TYRO3: variants seen among roughly 807,000 people sequenced by gnomAD.
TYRO3 encodes TYRO3 protein tyrosine kinase.
TYRO3 carries 38 observed loss-of-function variants against 95.2 expected under a neutral mutation model. That is an observed-to-expected ratio of 0.40 (90% confidence interval 0.31 to 0.52). The LOEUF is 0.52. Among genes scored for constraint, TYRO3 ranks in the 20% least tolerant of loss-of-function variants. The pLI is 0.56. For synonymous variants in TYRO3, 367 were observed against 432.9 expected (o/e 0.85, Z 1.89); for missense variants, 812 against 1,116.4 (o/e 0.73, Z 3.89).
In TYRO3 at chr15:41,578,953, G is replaced by A. The variant is rs2055894619; in HGVS notation, c.*677G>A. 6.5e-6 allele frequency: 1 copy of A among 153,452 alleles called. No individual in the cohort carries two copies. The highest frequency in any genetic ancestry group is 1.4e-5 in the Non-Finnish European group (1 of 69,084). 9.5% of individuals were successfully genotyped at this position (153,452 alleles called of 1,614,324 possible). On this transcript the variant is annotated 3_prime_UTR_variant, in exon 19 of 19. Coordinates refer to ENST00000263798, the MANE Select transcript of TYRO3 (RefSeq NM_006293.4). Reference sequence around the variant, plus strand: ...GCCCCTCTTCCAAAGGCAGCGTGCCGAGCCAGCAAGAGGAAGGGGTGCTGT... The same window carrying A: ...GCCCCTCTTCCAAAGGCAGCGTGCCAAGCCAGCAAGAGGAAGGGGTGCTGT...
rs2055658262 is a variant in TYRO3 at position 41,561,647 on chromosome 15, G to A, written c.409+8G>A. ...TGTGGCTCACGGTAGAAGGTGAGGAGGCAGAGCCATATGGGCGTGTTGGCC... is the reference window on the plus strand; with the variant it reads ...TGTGGCTCACGGTAGAAGGTGAGGAAGCAGAGCCATATGGGCGTGTTGGCC... On this transcript the variant is annotated splice_region_variant and intron_variant, in intron 3 of 18. Coordinates refer to ENST00000263798, the MANE Select transcript of TYRO3 (RefSeq NM_006293.4). 1.9e-6 allele frequency: 2 copies of A among 1,048,938 alleles called. No individual in the cohort carries two copies. The highest frequency in any genetic ancestry group is 1.5e-5 in the African/African-American group (1 of 64,796). 65.0% of individuals were successfully genotyped at this position (1,048,938 alleles called of 1,614,324 possible). A position where few individuals can be genotyped will look rare whatever the true frequency, so the allele number is the denominator to read the frequency against.
chr15:41,577,864 C>T (rs2055879091), intron 18 of TYRO3, 22 bp from the exon 19 acceptor site: 1 of 1,598,562 alleles, frequency 6.3e-7, no homozygotes, highest in Non-Finnish European at 8.5e-7. Context: ...CCTGCCTTTT[C>T]TCACGCTTCT....
At chr15:41,564,965 T>C (rs1467712066) in intron 5 of TYRO3, 61 bp from the exon 6 acceptor site, 23 of 1,134,846 alleles carry the variant, frequency 2.0e-5, no homozygotes, top group African/African-American at 3.1e-5. Context: ...TTGACTCCCA[T>C]GCCTCCTGCT....
chr15:41,573,874 G>C, intron 18 of TYRO3, 59 bp downstream of exon 18: 1 of 1,365,332 alleles, frequency 7.3e-7, no homozygotes, highest in Non-Finnish European at 9.9e-7. Flanking sequence ...TTTGGCTGAT[G>C]GCTGCCACCA....
chr15:41,560,389 G>GTGTA (rs1555395684), intron 1 of TYRO3, among the ~76,000 whole-genome samples: 48 of 120,368 alleles, frequency 4.0e-4, no homozygotes, highest in Non-Finnish European at 3.7e-4. Flanking sequence ...GGAGAGGTGC[G>GTGTA]TGTATGTGTG....
chr15:41,572,854 T>C (rs906226718), intron 15 of TYRO3, 148 bp from the exon 16 acceptor site: 3 of 744,822 alleles, frequency 4.0e-6, no homozygotes, highest in Non-Finnish European at 6.5e-6. Flanking sequence ...TAGCCGAAGC[T>C]TCCTTGCCTT....
At position 41,565,102 on chromosome 15, in the gene TYRO3, T is replaced by G; in HGVS notation, c.744T>G (p.Gly248=). 1.3e-5 allele frequency: 21 copies of G among 1,613,396 alleles called. No individual in the cohort carries two copies. Among genetic ancestry groups the G allele is most frequent in the Non-Finnish European group, 1.8e-5 (21 of 1,179,958 alleles). ...ACGCTAGTGTGGCCTGGATGCCAGG[T>G]GCTGATGGCCGAGCTCTGCTACAGT... is the stretch of plus-strand genomic sequence containing the variant. ...SSNASVAWMP[G]ADGRALLQSC... is the part of the protein sequence containing the mutation. The change falls in exon 6 of 19, where the codon GGT becomes GGG. Residue 248 remains glycine, a synonymous_variant. Transcript: ENST00000263798.
chr15:41,561,389 G>A, intron 2 of TYRO3, 79 bp downstream of exon 2: 2 of 1,576,010 alleles, frequency 1.3e-6, no homozygotes, highest in Non-Finnish European at 1.7e-6. Context: ...GGGAGCTGGG[G>A]CCCTCTCCTG....
Position 41,577,922 on chromosome 15 carries a change from C to T in TYRO3, c.2319C>T (p.Pro773=). 6.2e-7 allele frequency: 1 copy of T among 1,612,986 alleles called. No homozygotes were observed. Among genetic ancestry groups the T allele is most frequent in the Non-Finnish European group, 8.5e-7 (1 of 1,180,046 alleles). ...TGTACCAGTGCTGGAGTGCTGACCC[C>T]AAGCAGCGCCCGAGCTTTACTTGTC... is the stretch of plus-strand genomic sequence containing the variant. ...DLMYQCWSAD[P]KQRPSFTCLR... The change falls in exon 19 of 19, where the codon CCC becomes CCT. Residue 773 remains proline, a synonymous_variant. Transcript: ENST00000263798.
Position 41,578,477 on chromosome 15 carries a change from A to G in TYRO3, c.*201A>G. 1 of 722,278 alleles carries G rather than the reference A, an allele frequency of 1.4e-6. No individual in the cohort carries two copies. The highest frequency in any genetic ancestry group is 1.9e-5 in the South Asian group (1 of 52,050). 44.7% of individuals were successfully genotyped at this position (722,278 alleles called of 1,614,324 possible). A position where few individuals can be genotyped will look rare whatever the true frequency, so the allele number is the denominator to read the frequency against. ...GCAACCACTCTGTGGCCAGCCTGGC[A>G]TCAGTTTAGGCCTTGGCTTGATGGA... On this transcript the variant is annotated 3_prime_UTR_variant, in exon 19 of 19. Transcript: ENST00000263798.
At chr15:41,573,890 G>T in intron 18 of TYRO3, 75 bp downstream of exon 18, 1 of 1,338,472 alleles carries the variant, frequency 7.5e-7, no homozygotes. Flanking sequence ...CACCACAGTT[G>T]CCTCAACTGG....
intron 4 of TYRO3, among the ~76,000 whole-genome samples, chr15:41,563,454 T>A (rs2055682298): frequency 6.6e-6 from 1 of 152,082 alleles, no homozygotes; most frequent in Non-Finnish European, 1.5e-5. Flanking sequence ...CTGAGCTAGG[T>A]TCTCCAGCAA....
In TYRO3 at chr15:41,579,774, T is replaced by G. The variant is rs921512994; in HGVS notation, c.*1498T>G. 1.3e-5 allele frequency: 2 copies of G among 151,508 alleles called. No individual in the cohort carries two copies. The highest frequency in any genetic ancestry group is 1.3e-4 in the Admixed American group (2 of 15,208). 9.4% of individuals were successfully genotyped at this position (151,508 alleles called of 1,614,324 possible). A position where few individuals can be genotyped will look rare whatever the true frequency, so the allele number is the denominator to read the frequency against. Reference sequence around the variant, plus strand: ...AGCTGTTATCTTTTTTTTTTTTTTTTTGAGACCGAGTCTCACTCTGTCGCC... The same window carrying G: ...AGCTGTTATCTTTTTTTTTTTTTTTGTGAGACCGAGTCTCACTCTGTCGCC... On this transcript the variant is annotated 3_prime_UTR_variant, in exon 19 of 19. Transcript: ENST00000263798.
intron 3 of TYRO3, 164 bp from the exon 4 acceptor site, chr15:41,562,384 C>A: frequency 1.9e-6 from 1 of 516,506 alleles, no homozygotes; most frequent in Non-Finnish European, 3.2e-6. Flanking sequence ...AAGAGAAGCA[C>A]CGCCTACCTC....
intron 12 of TYRO3, 81 bp from the exon 13 acceptor site, chr15:41,570,957 C>A: frequency 6.8e-7 from 1 of 1,464,798 alleles, no homozygotes; most frequent in Non-Finnish European, 9.5e-7. Context: ...TGACTGTGTT[C>A]CCATGGAGGG....
At position 41,571,067 on chromosome 15, in the gene TYRO3, C is replaced by G. The variant is rs762320796; in HGVS notation, c.1609C>G (p.Leu537Val). ...GEFGSVREAQ[L>V]KQEDGSFVKV... ...GTTTGGTTCAGTGCGGGAGGCCCAG[C>G]TGAAGCAAGAGGATGGCTCCTTTGT... The change falls in exon 13 of 19, where the codon CTG (leucine) becomes GTG (valine). Residue 537 changes from leucine (L) to valine (V), a missense_variant. Transcript: ENST00000263798. 2.5e-6 allele frequency: 4 copies of G among 1,614,102 alleles called. No individual in the cohort carries two copies. Among genetic ancestry groups the G allele is most frequent in the Non-Finnish European group, 3.4e-6 (4 of 1,180,002 alleles).
intron 15 of TYRO3, 132 bp from the exon 16 acceptor site, chr15:41,572,870 G>C (rs2055814766): frequency 1.3e-6 from 1 of 786,754 alleles, no homozygotes; most frequent in African/African-American, 1.8e-5. Context: ...GCCTTGGGAA[G>C]GCCCTCCATC....
chr15:41,570,051 G>A lies in TYRO3; in HGVS notation c.1277G>A (p.Arg426His), dbSNP rs767559977. ...RAGQQGPPHS[R>H]TSWVPVVLGV... ...GGCCAGCAGGGCCCTCCTCACAGCCGCACATCCTGGGTACCTGTGGTCCTT... is the reference window on the plus strand; with the variant it reads ...GGCCAGCAGGGCCCTCCTCACAGCCACACATCCTGGGTACCTGTGGTCCTT... Residue 426 changes from arginine to histidine, a missense_variant, in exon 10 of 19, where the codon CGC (arginine) becomes CAC (histidine). Coordinates refer to ENST00000263798, the MANE Select transcript of TYRO3 (RefSeq NM_006293.4). 28 of 1,613,414 alleles carry A rather than the reference G, an allele frequency of 1.7e-5. No homozygotes were observed. The highest frequency in any genetic ancestry group is 4.4e-5 in the South Asian group (4 of 91,044).
intron 13 of TYRO3, 105 bp from the exon 14 acceptor site, chr15:41,571,490 T>C: frequency 1.2e-6 from 1 of 800,048 alleles, no homozygotes; most frequent in Non-Finnish European, 2.2e-6. Flanking sequence ...TTTCCTGGGC[T>C]CCCTGGGAAG....
Sources: gnomAD v4.1 joint callset for allele counts (sites outside exome capture counted in the v4.1 genomes callset) on GRCh38, gnomAD v4.1.1 for gene constraint, MANE v1.5 for transcripts, NCBI Gene and HGNC (gene_info 2026-07-23, HGNC 2026-07-21) for gene names.